KIAA0825: variants seen among roughly 807,000 people sequenced by gnomAD.
The protein encoded by KIAA0825 is KIAA0825, also known as uncharacterized protein KIAA0825.
Under a neutral mutation model 147.6 loss-of-function variants are expected in KIAA0825, and 119 were observed. The observed-to-expected ratio is 0.81, with a 90% confidence interval of 0.69 to 0.94. KIAA0825 has a LOEUF of 0.94. KIAA0825 is among the 40% of genes least tolerant of loss of function. The probability of loss-of-function intolerance (pLI) is 0.00; values close to 1 mark genes in which losing one functional copy is unlikely to be tolerated. For synonymous variants in KIAA0825, 470 were observed against 518.1 expected, an observed-to-expected ratio of 0.91 and a Z score of 1.26; for missense variants, 1,381 against 1,472.7, an observed-to-expected ratio of 0.94 and a Z score of 1.02.
intron 17 of KIAA0825, among the ~76,000 whole-genome samples, chr5:94,393,952 G>A (rs1750266963): frequency 1.3e-5 from 2 of 151,464 alleles, no homozygotes; most frequent in South Asian, 2.1e-4. Context: ...GGGTTCAAGC[G>A]ATTCTCCTGT....
intron 9 of KIAA0825, among the ~76,000 whole-genome samples, 183 bp from the exon 10 acceptor site, chr5:94,470,294 T>C (rs1761055111): frequency 6.6e-6 from 1 of 152,252 alleles, no homozygotes; most frequent in Admixed American, 6.5e-5. Context: ...AGCTGGTCTT[T>C]GTTTTGCAAG....
At chr5:94,439,025 G>T (rs1351193151) in intron 14 of KIAA0825, among the ~76,000 whole-genome samples, 1 of 152,184 alleles carries the variant, frequency 6.6e-6, no homozygotes, top group African/African-American at 2.4e-5. Flanking sequence ...GTTGTTTATG[G>T]CAGGTCTTTA....
rs1433236730 is a variant in KIAA0825 at position 94,154,055 on chromosome 5, A to T, written c.3780T>A (p.Ile1260=). 6.4e-7 allele frequency: 1 copy of T among 1,551,516 alleles called. No homozygotes were observed. The highest frequency in any genetic ancestry group is 8.7e-7 in the Non-Finnish European group (1 of 1,146,938). Residue 1260 remains isoleucine (I), a synonymous_variant, in exon 21 of 21, where the codon ATT becomes ATA. Transcript: ENST00000682413. ...EKAILEHLKQ[I]CTPQNSSASD... is the part of the protein sequence containing the mutation. ...AGGCAGAAGAGTTCTGTGGGGTGCA[A>T]ATTTGTTTTAAGTGCTCCAGTATTG...
At chr5:94,579,920 C>T (rs763140574) in intron 2 of KIAA0825, among the ~76,000 whole-genome samples, 10 of 152,120 alleles carry the variant, frequency 6.6e-5, no homozygotes, top group Non-Finnish European at 1.2e-4. Context: ...GACAACTGTA[C>T]ACATATTCAA....
chr5:94,357,224 T>C (rs1300190870), intron 20 of KIAA0825, among the ~76,000 whole-genome samples: 2 of 148,026 alleles, frequency 1.4e-5, no homozygotes, highest in African/African-American at 2.4e-5. Context: ...TTCTGAGTGG[T>C]AAAACTCAAG....
chr5:94,255,082 C>G (rs1776174320), intron 20 of KIAA0825, among the ~76,000 whole-genome samples: 1 of 151,094 alleles, frequency 6.6e-6, no homozygotes, highest in African/African-American at 2.4e-5. Flanking sequence ...CCTAACTAGA[C>G]AGTAAGCACG....
At position 94,471,517 on chromosome 5, in the gene KIAA0825, A is replaced by G; in HGVS notation, c.1670T>C (p.Val557Ala). 1 of 1,552,144 alleles carries G rather than the reference A, an allele frequency of 6.4e-7. No homozygotes were observed. The highest frequency in any genetic ancestry group is 2.4e-5 in the East Asian group (1 of 40,918). ...ATCATATCGCTTGAAATGCTGGAAG[A>G]CATACACCGCTGTGGAGAGGTATGT... ...LHTYLSTAVY[V>A]FQHFKRYDNL... The change falls in exon 9 of 21, where the codon GTC becomes GCC. Residue 557 changes from valine (V) to alanine (A), a missense_variant. Coordinates refer to ENST00000682413, the MANE Select transcript of KIAA0825 (RefSeq NM_001145678.3).
At chr5:94,347,383 A>C (rs912522191) in intron 20 of KIAA0825, among the ~76,000 whole-genome samples, 2 of 151,908 alleles carry the variant, frequency 1.3e-5, no homozygotes, top group Non-Finnish European at 2.9e-5. Context: ...AAAGCTAAAA[A>C]CCCTCACGGA....
intron 1 of KIAA0825, among the ~76,000 whole-genome samples, chr5:94,612,435 C>T (rs927092445): frequency 2.6e-5 from 4 of 152,096 alleles, no homozygotes; most frequent in African/African-American, 9.7e-5. Context: ...GATATTCTTA[C>T]TCAACTCTTC....
chr5:94,153,861 C>A lies in KIAA0825; in HGVS notation c.*146G>T. 1 of 556,470 alleles carries A rather than the reference C, an allele frequency of 1.8e-6. No homozygotes were observed. Among genetic ancestry groups the A allele is most frequent in the Non-Finnish European group, 3.2e-6 (1 of 310,290 alleles). The allele number at this position is 556,470 out of a possible 1,614,324, so 34.5% of individuals were successfully genotyped here. A position where few individuals can be genotyped will look rare whatever the true frequency, so the allele number is the denominator to read the frequency against. The stretch of plus-strand genomic sequence containing the variant: ...TATGTAGCACCTTATCCTTTATGTG[C>A]TGTATTCCTTTTCAGTACAGAGATT... On this transcript the variant is annotated 3_prime_UTR_variant, in exon 21 of 21. Coordinates refer to ENST00000682413, the MANE Select transcript of KIAA0825 (RefSeq NM_001145678.3).
At chr5:94,186,316 TA>T (rs1770115254) in intron 20 of KIAA0825, among the ~76,000 whole-genome samples, 1 of 152,204 alleles carries the variant, frequency 6.6e-6, no homozygotes, top group Non-Finnish European at 1.5e-5. Context: ...GGATTGTTCA[TA>T]AATTTATATA....
At chr5:94,411,176 T>C (rs530284907) in intron 15 of KIAA0825, among the ~76,000 whole-genome samples, 4 of 152,228 alleles carry the variant, frequency 2.6e-5, no homozygotes, top group African/African-American at 7.2e-5. Context: ...TAAAGATACA[T>C]ATTGTAAACC....
chr5:94,440,431 T>C (rs1427602057), intron 13 of KIAA0825, among the ~76,000 whole-genome samples: 1 of 152,232 alleles, frequency 6.6e-6, no homozygotes, highest in Non-Finnish European at 1.5e-5. Context: ...CTTATGCATT[T>C]TTTGAATGCA....
At chr5:94,165,608 C>T (rs1767960988) in intron 20 of KIAA0825, among the ~76,000 whole-genome samples, 1 of 151,984 alleles carries the variant, frequency 6.6e-6, no homozygotes, top group Non-Finnish European at 1.5e-5. Flanking sequence ...CTTAAGCGTC[C>T]AACAATAGAT....
chr5:94,606,280 C>A (rs912985174), intron 1 of KIAA0825, among the ~76,000 whole-genome samples: 3 of 152,108 alleles, frequency 2.0e-5, no homozygotes, highest in African/African-American at 7.2e-5. Context: ...GGAAAAACAT[C>A]CCATGCTCAT....
chr5:94,206,652 T>TGA (rs1772228572), intron 20 of KIAA0825, among the ~76,000 whole-genome samples: 1 of 152,206 alleles, frequency 6.6e-6, no homozygotes, highest in Non-Finnish European at 1.5e-5. Context: ...AGGTCAATGT[T>TGA]GAGAACCTTT....
chr5:94,327,438 C>T (rs1159083198), intron 20 of KIAA0825, among the ~76,000 whole-genome samples: 1 of 151,642 alleles, frequency 6.6e-6, no homozygotes, highest in Non-Finnish European at 1.5e-5. Context: ...ATTTCTATCT[C>T]TTCATCACCG....
chr5:94,437,919 C>G (rs183939110), intron 14 of KIAA0825, among the ~76,000 whole-genome samples: 2 of 152,268 alleles, frequency 1.3e-5, no homozygotes, highest in Non-Finnish European at 2.9e-5. Context: ...CACTGATTGG[C>G]CAAGCACTGT....
chr5:94,341,287 C>T (rs1399930171), intron 20 of KIAA0825, among the ~76,000 whole-genome samples: 2 of 152,180 alleles, frequency 1.3e-5, no homozygotes, highest in Non-Finnish European at 2.9e-5. Context: ...CATATAAGAA[C>T]TTGCTAAAAT....
Sources: allele counts gnomAD v4.1 joint callset (sites outside exome capture counted in the v4.1 genomes callset), GRCh38; gene constraint gnomAD v4.1.1; transcripts MANE v1.5; gene names NCBI Gene and HGNC (gene_info 2026-07-23, HGNC 2026-07-21).